The following SNCAIP variants were observed in gnomAD, a reference collection of about 807,000 sequenced individuals.
The protein encoded by SNCAIP is synuclein alpha interacting protein, also known as synphilin-1.
A neutral mutation model predicts 86.7 loss-of-function variants in SNCAIP; 43 were observed. That is an observed-to-expected ratio of 0.50 (90% confidence interval 0.39 to 0.64). SNCAIP has a LOEUF of 0.64. SNCAIP is among the 30% of genes least tolerant of loss of function. The probability of loss-of-function intolerance (pLI) is 0.00; values close to 1 mark genes in which losing one functional copy is unlikely to be tolerated. For synonymous variants in SNCAIP, 417 were observed against 427.2 expected (o/e 0.98, Z 0.29); for missense variants, 981 against 1,103.1 (o/e 0.89, Z 1.57).
At chr5:122,443,935 C>G in intron 7 of SNCAIP, 1 of 387,532 alleles carries the variant, frequency 2.6e-6, no homozygotes, top group South Asian at 2.0e-5. Context: ...ATAGAACCCT[C>G]TCCTCATTAA....
chr5:122,434,948 G>A (rs1489065465), intron 6 of SNCAIP, among the ~76,000 whole-genome samples: 1 of 152,164 alleles, frequency 6.6e-6, no homozygotes, highest in Non-Finnish European at 1.5e-5. Context: ...TCCTCTCTTG[G>A]TTTATTTTAG....
At chr5:122,456,984 A>C (rs1054026287) in intron 10 of SNCAIP, among the ~76,000 whole-genome samples, 1 of 152,118 alleles carries the variant, frequency 6.6e-6, no homozygotes, top group Non-Finnish European at 1.5e-5. Context: ...CTGTAGTTTC[A>C]TGTTTTTTAT....
intron 10 of SNCAIP, among the ~76,000 whole-genome samples, chr5:122,460,615 C>T (rs75220668): frequency 0.017 from 2,598 of 152,236 alleles, 88 homozygotes; most frequent in African/African-American, 0.06. Context: ...TTGTATCACT[C>T]TCAAGAGCTA....
At chr5:122,366,556 G>A (rs892894690) in intron 1 of SNCAIP, among the ~76,000 whole-genome samples, 4 of 152,190 alleles carry the variant, frequency 2.6e-5, no homozygotes, top group African/African-American at 9.7e-5. Flanking sequence ...AAAGCCAAAG[G>A]TTGGGTGTTG....
chr5:122,427,997 A>G (rs189583800), intron 5 of SNCAIP, among the ~76,000 whole-genome samples: 42 of 152,314 alleles, frequency 2.8e-4, no homozygotes, highest in Non-Finnish European at 4.4e-4. Context: ...AGTTCAGGGT[A>G]TTATTGAGTT....
intron 3 of SNCAIP, among the ~76,000 whole-genome samples, chr5:122,410,373 C>A (rs950199923): frequency 6.6e-6 from 1 of 152,136 alleles, no homozygotes; most frequent in African/African-American, 2.4e-5. Flanking sequence ...CGAGCTGCCC[C>A]CTCTGTGGAA....
chr5:122,416,000 G>A (rs2152908991), intron 3 of SNCAIP, among the ~76,000 whole-genome samples: 1 of 152,272 alleles, frequency 6.6e-6, no homozygotes, highest in East Asian at 1.9e-4. Context: ...CCCACCAATT[G>A]CTGTTCTATG....
intron 1 of SNCAIP, among the ~76,000 whole-genome samples, chr5:122,370,847 G>A (rs954864704): frequency 2.0e-5 from 3 of 152,118 alleles, no homozygotes; most frequent in Admixed American, 2.0e-4. Flanking sequence ...TTCCTATCAT[G>A]CATGTAGAAA....
At chr5:122,444,776 A>C in intron 8 of SNCAIP, 44 bp downstream of exon 8, 1 of 1,522,106 alleles carries the variant, frequency 6.6e-7, no homozygotes, top group Non-Finnish European at 9.1e-7. Context: ...CTAACTCATT[A>C]TTGTTGTACT....
chr5:122,350,843 G>A (rs552510977), intron 1 of SNCAIP, among the ~76,000 whole-genome samples: 12 of 152,130 alleles, frequency 7.9e-5, no homozygotes, highest in Non-Finnish European at 1.6e-4. Flanking sequence ...GATGAAGTGA[G>A]AATAGACAGG....
rs1054330052 is a variant in SNCAIP at position 122,463,989 on chromosome 5, T to A, written c.*493T>A. ...GAGATCAGGTCAGTGGTATTGTTTC[T>A]GTCAAGAGTGTTTTTTCTGTCATTT... is the stretch of plus-strand genomic sequence containing the variant. On this transcript the variant is annotated 3_prime_UTR_variant, in exon 11 of 11. Coordinates refer to ENST00000261368, the MANE Select transcript of SNCAIP (RefSeq NM_005460.4). The A allele has an allele frequency of 1.3e-5, 2 of 153,230 alleles. No homozygotes were observed. Among genetic ancestry groups the A allele is most frequent in the African/African-American group, 4.8e-5 (2 of 41,496 alleles). The allele number at this position is 153,230 out of a possible 1,614,324, so 9.5% of individuals were successfully genotyped here.
At position 122,450,581 on chromosome 5, in the gene SNCAIP, T is replaced by A. The variant is rs753790430; in HGVS notation, c.1734T>A (p.Asp578Glu). 9 of 1,613,990 alleles carry A rather than the reference T, an allele frequency of 5.6e-6. No individual in the cohort carries two copies. The highest frequency in any genetic ancestry group is 6.8e-6 in the Non-Finnish European group (8 of 1,179,992). ...GAAAGTCCCAGTGGAAATCTCCAGA[T>A]GCAGATGATGATTCTGTAGCCAAAA... ...ASRKSQWKSP[D>E]ADDDSVAKSK... The change falls in exon 10 of 11, where the codon GAT (aspartate) becomes GAA (glutamate). Residue 578 changes from aspartate to glutamate, a missense_variant. Asp to Glu is a conservative substitution (Grantham distance 45, BLOSUM62 2). Coordinates refer to ENST00000261368, the MANE Select transcript of SNCAIP (RefSeq NM_005460.4).
At chr5:122,381,036 T>G (rs1357047757) in intron 1 of SNCAIP, among the ~76,000 whole-genome samples, 2 of 149,626 alleles carry the variant, frequency 1.3e-5, no homozygotes, top group East Asian at 3.9e-4. Flanking sequence ...GGGTGGAGAG[T>G]TCTGTAGATG....
chr5:122,361,391 C>G (rs1762180304), intron 1 of SNCAIP, among the ~76,000 whole-genome samples: 1 of 140,308 alleles, frequency 7.1e-6, no homozygotes, highest in Non-Finnish European at 1.5e-5. Context: ...AATCCTGCAT[C>G]TCTCACAAGC....
chr5:122,414,499 G>C (rs972467591), intron 3 of SNCAIP, among the ~76,000 whole-genome samples: 1 of 152,076 alleles, frequency 6.6e-6, no homozygotes, highest in African/African-American at 2.4e-5. Flanking sequence ...CAAAGTGCTG[G>C]AATTACTAGC....
intron 1 of SNCAIP, among the ~76,000 whole-genome samples, chr5:122,362,810 C>G (rs1580696488): frequency 6.6e-6 from 1 of 152,210 alleles, no homozygotes; most frequent in Middle Eastern, 3.4e-3. Flanking sequence ...ATAATGATAA[C>G]AAACATATGC....
At chr5:122,404,549 A>G (rs753921132) in intron 3 of SNCAIP, among the ~76,000 whole-genome samples, 8 of 152,118 alleles carry the variant, frequency 5.3e-5, no homozygotes, top group Non-Finnish European at 1.0e-4. Context: ...AAAAAAGGAT[A>G]TTGATGGGAG....
intron 1 of SNCAIP, among the ~76,000 whole-genome samples, chr5:122,382,445 T>C (rs573718700): frequency 1.3e-5 from 2 of 152,314 alleles, no homozygotes; most frequent in South Asian, 2.1e-4. Context: ...TACATTCTTC[T>C]AAATTGTTTT....
At chr5:122,387,628 G>A (rs760826416) in intron 1 of SNCAIP, among the ~76,000 whole-genome samples, 4 of 152,144 alleles carry the variant, frequency 2.6e-5, no homozygotes, top group East Asian at 1.9e-4. Context: ...CACTTGGCAC[G>A]GCTTCCTCCC....
Sources: gnomAD v4.1 joint callset for allele counts (sites outside exome capture counted in the v4.1 genomes callset) on GRCh38, gnomAD v4.1.1 for gene constraint, MANE v1.5 for transcripts, NCBI Gene and HGNC (gene_info 2026-07-23, HGNC 2026-07-21) for gene names.